AOPEP: variants seen among roughly 807,000 people sequenced by gnomAD.
The protein encoded by AOPEP is aminopeptidase O.
A neutral mutation model predicts 98.1 loss-of-function variants in AOPEP; 77 were observed. That is an observed-to-expected ratio of 0.78 (90% confidence interval 0.65 to 0.95). The LOEUF (loss-of-function observed/expected upper bound fraction) is 0.95, where lower values mean the gene tolerates loss of function less well. AOPEP is among the 40% of genes least tolerant of loss of function. The probability of loss-of-function intolerance (pLI) is 0.00; values close to 1 mark genes in which losing one functional copy is unlikely to be tolerated. For missense variants in AOPEP, 1,024 were observed against 1,024.7 expected (o/e 1.00, Z 0.01); for synonymous variants, 346 against 365.3 (o/e 0.95, Z 0.60).
At chr9:94,981,397 C>T (rs899936005) in intron 11 of AOPEP, among the ~76,000 whole-genome samples, 2 of 152,174 alleles carry the variant, frequency 1.3e-5, no homozygotes, top group African/African-American at 2.4e-5. Context: ...TGAGGCCAAC[C>T]GGCTATAAAT....
At chr9:94,739,248 G>T (rs1832511309) in intron 1 of AOPEP, among the ~76,000 whole-genome samples, 2 of 152,096 alleles carry the variant, frequency 1.3e-5, no homozygotes, top group African/African-American at 4.8e-5. Flanking sequence ...TTGTCCTGGT[G>T]GTTGTCTTCA....
At chr9:95,085,086 C>G in intron 16 of AOPEP, 1 of 370,552 alleles carries the variant, frequency 2.7e-6, no homozygotes, top group Non-Finnish European at 5.5e-6. Context: ...AGGATGCCAA[C>G]TAAACGAACA....
chr9:95,077,944 A>G (rs1383957888), intron 14 of AOPEP, among the ~76,000 whole-genome samples: 1 of 152,202 alleles, frequency 6.6e-6, no homozygotes, highest in African/African-American at 2.4e-5. Flanking sequence ...AGCCTCCCGC[A>G]GCATTTCTGT....
chr9:94,934,861 G>C (rs535458910), intron 7 of AOPEP: 2 of 152,286 alleles, frequency 1.3e-5, no homozygotes, highest in African/African-American at 4.8e-5. Flanking sequence ...GATCTTCCTC[G>C]GGGCCTCCAC....
intron 1 of AOPEP, among the ~76,000 whole-genome samples, chr9:94,731,348 C>T (rs2131674562): frequency 6.6e-6 from 1 of 152,208 alleles, no homozygotes; most frequent in Middle Eastern, 3.4e-3. Context: ...CTGCCTCAGC[C>T]TCCCGAGTAG....
chr9:94,855,648 G>A (rs1053178672), intron 5 of AOPEP, among the ~76,000 whole-genome samples: 45 of 152,000 alleles, frequency 3.0e-4, no homozygotes, highest in African/African-American at 1.1e-3. Flanking sequence ...CCAAGATTGC[G>A]CCACTGCACT....
intron 5 of AOPEP, among the ~76,000 whole-genome samples, chr9:94,803,429 A>C (rs924115297): frequency 1.3e-5 from 2 of 152,176 alleles, no homozygotes; most frequent in Non-Finnish European, 2.9e-5. Context: ...GCAGTTTCTG[A>C]GAATTTTAGA....
chr9:94,940,593 CAATAAATA>C (rs535492432), intron 7 of AOPEP, among the ~76,000 whole-genome samples: 7 of 151,758 alleles, frequency 4.6e-5, no homozygotes, highest in Admixed American at 3.3e-4. Context: ...GACTCCATCT[CAATAAATA>C]AATAAATAAA....
At chr9:94,859,447 C>G (rs972008095) in intron 5 of AOPEP, among the ~76,000 whole-genome samples, 4 of 152,182 alleles carry the variant, frequency 2.6e-5, no homozygotes, top group African/African-American at 9.7e-5. Flanking sequence ...ATTTAGGGCC[C>G]ATGCAGATAA....
At chr9:95,100,576 GA>G in the AOPEP span, 1 of 231,090 alleles carries the variant, frequency 4.3e-6, no homozygotes, top group Admixed American at 5.6e-5. Context: ...GAATGTCCCT[GA>G]AAGGAAAAAG....
chr9:94,843,948 G>T (rs565567503), intron 5 of AOPEP, among the ~76,000 whole-genome samples: 2 of 152,128 alleles, frequency 1.3e-5, no homozygotes, highest in South Asian at 4.2e-4. Context: ...TTAAATTTAG[G>T]TAAAGTTATT....
At chr9:94,821,952 G>A (rs1475833653) in intron 5 of AOPEP, among the ~76,000 whole-genome samples, 1 of 146,522 alleles carries the variant, frequency 6.8e-6, no homozygotes, top group Non-Finnish European at 1.5e-5. Flanking sequence ...CCATAGATCT[G>A]TGCACCCTGT....
downstream of AOPEP, among the ~76,000 whole-genome samples, chr9:95,089,631 T>C (rs892486189): frequency 6.6e-6 from 1 of 152,192 alleles, no homozygotes; most frequent in Non-Finnish European, 1.5e-5. Context: ...CAGCCAAGAC[T>C]TGAGAGGCCC....
the AOPEP span, chr9:95,101,848 C>T: frequency 6.2e-7 from 1 of 1,613,818 alleles, no homozygotes; most frequent in South Asian, 1.1e-5. Flanking sequence ...CAGTGTGAGC[C>T]ATCTGCAATC....
intron 5 of AOPEP, 92 bp from the exon 6 acceptor site, chr9:94,923,894 A>T: frequency 1.2e-6 from 1 of 800,958 alleles, no homozygotes; most frequent in Non-Finnish European, 1.8e-6. Context: ...TGATAATAAC[A>T]GGCTTGCCAG....
intron 10 of AOPEP, among the ~76,000 whole-genome samples, chr9:94,974,766 A>G (rs897934560): frequency 6.6e-6 from 1 of 152,192 alleles, no homozygotes. Flanking sequence ...TGTCAGTTCC[A>G]TAGTAGAAAC....
chr9:95,076,797 C>T (rs543608760), intron 14 of AOPEP, among the ~76,000 whole-genome samples: 251 of 152,282 alleles, frequency 1.6e-3, no homozygotes, highest in Non-Finnish European at 3.2e-3. Context: ...AAAAAGGATT[C>T]TAAAAAGCTG....
chr9:95,074,210 AC>A (rs754978211), intron 14 of AOPEP, among the ~76,000 whole-genome samples: 1 of 152,084 alleles, frequency 6.6e-6, no homozygotes, highest in Non-Finnish European at 1.5e-5. Context: ...CCACAGACAT[AC>A]CCCGTCCTCC....
intron 14 of AOPEP, among the ~76,000 whole-genome samples, chr9:95,068,602 T>C (rs2068154163): frequency 6.6e-6 from 1 of 152,242 alleles, no homozygotes; most frequent in Admixed American, 6.5e-5. Context: ...TATACTCTTA[T>C]ATGATGGTAT....
Sources: gnomAD v4.1 joint callset for allele counts (sites outside exome capture counted in the v4.1 genomes callset) on GRCh38, gnomAD v4.1.1 for gene constraint, MANE v1.5 for transcripts, NCBI Gene and HGNC (gene_info 2026-07-23, HGNC 2026-07-21) for gene names.